Variants in GPC5 observed in about 807,000 individuals in gnomAD.
GPC5 encodes the protein glypican 5, also known as glypican-5.
GPC5 carries 47 observed loss-of-function variants against 53.9 expected under a neutral mutation model. The ratio of observed to expected loss-of-function variants is 0.87; its 90% CI spans 0.69 to 1.11. GPC5 has a LOEUF of 1.11. Ranked by LOEUF, GPC5 falls within the 50% of genes most tolerant of loss-of-function variation. The pLI is 0.00. For missense variants in GPC5, 748 were observed against 713.1 expected, an observed-to-expected ratio of 1.05 and a Z score of -0.56; for synonymous variants, 286 against 263.3, an observed-to-expected ratio of 1.09 and a Z score of -0.84.
At chr13:91,805,528 G>A (rs947024756) in intron 5 of GPC5, among the ~76,000 whole-genome samples, 9 of 152,126 alleles carry the variant, frequency 5.9e-5, no homozygotes, top group African/African-American at 2.2e-4. Flanking sequence ...CACACAAGAC[G>A]TGTATATTAA....
Position 92,096,278 on chromosome 13 carries a change from T to G in GPC5, c.1402-48552T>G, listed in dbSNP as rs564997464. ...CTTAGGGTTTTCCTATAACTATCTC[T>G]GCCATTCATGCAATGACTTCTTGCC... is the stretch of plus-strand genomic sequence containing the variant. On this transcript the variant is annotated intron_variant, in intron 6 of 7. Transcript: ENST00000377067. Among the ~76,000 whole-genome samples, 32 of 152,374 alleles carry G rather than the reference T, an allele frequency of 2.1e-4. No homozygotes were observed. The South Asian group carries it at 6.0e-3, about 29-fold the overall frequency.
In GPC5 at chr13:91,849,580, C is replaced by T. The variant is rs151211757; in HGVS notation, c.1281-58357C>T. 6.2e-3 allele frequency among the ~76,000 whole-genome samples: 944 copies of T among 151,906 alleles called. 10 individuals carry two copies. The highest frequency in any genetic ancestry group is 0.054 in the Middle Eastern group (16 of 294). ...AATTACTGGAGGTTTAGAGTCTTAC[C>T]GGCTTACTGAACTTTAATGTATACT... is the stretch of plus-strand genomic sequence containing the variant. On this transcript the variant is annotated intron_variant, in intron 5 of 7. Coordinates refer to ENST00000377067, the MANE Select transcript of GPC5 (RefSeq NM_004466.6).
At chr13:92,221,599 G>T (rs1301264309) in intron 7 of GPC5, among the ~76,000 whole-genome samples, 1 of 152,112 alleles carries the variant, frequency 6.6e-6, no homozygotes, top group Non-Finnish European at 1.5e-5. Context: ...ATAGGCATTT[G>T]GTGGGGATCT....
intron 1 of GPC5, among the ~76,000 whole-genome samples, chr13:91,445,661 G>A (rs186143653): frequency 3.2e-4 from 49 of 152,206 alleles, no homozygotes; most frequent in Admixed American, 2.3e-3. Context: ...TTTTAGTAGA[G>A]ATGGGGTTTT....
At chr13:92,476,613 T>G (rs1361312220) in intron 7 of GPC5, among the ~76,000 whole-genome samples, 1 of 149,334 alleles carries the variant, frequency 6.7e-6, no homozygotes, top group Non-Finnish European at 1.5e-5. Flanking sequence ...ACTGCGGCAT[T>G]ATTCACAATA....
intron 7 of GPC5, among the ~76,000 whole-genome samples, chr13:92,639,357 A>G (rs1490025750): frequency 6.6e-6 from 1 of 152,224 alleles, no homozygotes; most frequent in African/African-American, 2.4e-5. Flanking sequence ...ATTCCAGCTA[A>G]GCTGTGTTTC....
chr13:92,383,787 A>T (rs956715796), intron 7 of GPC5, among the ~76,000 whole-genome samples: 4 of 152,136 alleles, frequency 2.6e-5, no homozygotes, highest in Non-Finnish European at 2.9e-5. Flanking sequence ...TTAACTTAAA[A>T]TTTTTTTCTA....
intron 5 of GPC5, among the ~76,000 whole-genome samples, chr13:91,809,604 A>C (rs1348365036): frequency 1.3e-5 from 2 of 152,136 alleles, no homozygotes; most frequent in Non-Finnish European, 1.5e-5. Flanking sequence ...TGTTTGTTAC[A>C]GAATTAACTG....
chr13:92,722,456 TA>T (rs934255924), intron 7 of GPC5, among the ~76,000 whole-genome samples: 14 of 151,872 alleles, frequency 9.2e-5, no homozygotes, highest in African/African-American at 3.4e-4. Context: ...CTTAGCCACT[TA>T]ACCACAGAAT....
intron 7 of GPC5, among the ~76,000 whole-genome samples, chr13:92,469,705 A>G (rs550607093): frequency 1.3e-5 from 2 of 152,222 alleles, no homozygotes; most frequent in South Asian, 4.1e-4. Context: ...TGTAACTTCT[A>G]TGTTTAAAAC....
intron 6 of GPC5, among the ~76,000 whole-genome samples, chr13:92,014,106 G>C (rs1260121096): frequency 6.6e-6 from 1 of 152,126 alleles, no homozygotes; most frequent in Non-Finnish European, 1.5e-5. Flanking sequence ...GATTCCAAGT[G>C]CCATGAGAAC....
At chr13:91,978,350 G>A (rs1404503388) in intron 6 of GPC5, among the ~76,000 whole-genome samples, 1 of 152,158 alleles carries the variant, frequency 6.6e-6, no homozygotes, top group Non-Finnish European at 1.5e-5. Flanking sequence ...TTTATTGAAT[G>A]TTTCCTATGC....
chr13:92,303,621 T>C (rs1468227646), intron 7 of GPC5, among the ~76,000 whole-genome samples: 1 of 152,144 alleles, frequency 6.6e-6, no homozygotes, highest in African/African-American at 2.4e-5. Flanking sequence ...AGATGGTGGC[T>C]ATCAAGGATT....
chr13:91,572,149 ACG>A, intron 2 of GPC5, among the ~76,000 whole-genome samples: 4 of 141,628 alleles, frequency 2.8e-5, no homozygotes, highest in Admixed American at 1.4e-4. Flanking sequence ...ATGTATATAT[ACG>A]TGTGTATACA....
At chr13:91,951,141 G>T (rs1389514587) in intron 6 of GPC5, among the ~76,000 whole-genome samples, 3 of 152,178 alleles carry the variant, frequency 2.0e-5, no homozygotes, top group South Asian at 2.1e-4. Context: ...TGTACTAAAA[G>T]CTTATTAAAT....
At chr13:91,747,860 A>AC in intron 4 of GPC5, among the ~76,000 whole-genome samples, 1 of 152,272 alleles carries the variant, frequency 6.6e-6, no homozygotes, top group Middle Eastern at 3.4e-3. Flanking sequence ...TAAATGCCTA[A>AC]CTAACTGATA....
At chr13:91,817,376 T>C (rs2038416302) in intron 5 of GPC5, among the ~76,000 whole-genome samples, 1 of 152,178 alleles carries the variant, frequency 6.6e-6, no homozygotes, top group African/African-American at 2.4e-5. Flanking sequence ...CCTTATAACA[T>C]TTATTTTGAA....
chr13:92,211,497 C>A (rs2139074929), intron 7 of GPC5, among the ~76,000 whole-genome samples: 1 of 152,324 alleles, frequency 6.6e-6, no homozygotes, highest in African/African-American at 2.4e-5. Flanking sequence ...AGAGTTGGTT[C>A]ATTCAAGAAC....
At chr13:92,356,741 A>G (rs1247024187) in intron 7 of GPC5, among the ~76,000 whole-genome samples, 2 of 152,186 alleles carry the variant, frequency 1.3e-5, no homozygotes, top group Non-Finnish European at 2.9e-5. Flanking sequence ...GTACATATGC[A>G]GGCTTGTTAC....
Sources: gnomAD v4.1 joint callset for allele counts (sites outside exome capture counted in the v4.1 genomes callset) on GRCh38, gnomAD v4.1.1 for gene constraint, MANE v1.5 for transcripts, NCBI Gene and HGNC (gene_info 2026-07-23, HGNC 2026-07-21) for gene names.